The following TBXAS1 variants were observed in gnomAD, a reference collection of about 807,000 sequenced individuals.
TBXAS1 encodes the protein thromboxane A synthase 1.
TBXAS1 carries 48 observed loss-of-function variants against 60.7 expected under a neutral mutation model. The ratio of observed to expected loss-of-function variants is 0.79; its 90% CI spans 0.63 to 1.01. The LOEUF (loss-of-function observed/expected upper bound fraction) is 1.01. Among genes scored for constraint, TBXAS1 ranks in the 50% least tolerant of loss-of-function variants. TBXAS1 has a pLI of 0.00. For missense variants in TBXAS1, 685 were observed against 686.3 expected (o/e 1.00, Z 0.02); for synonymous variants, 287 against 269.7 (o/e 1.06, Z -0.63).
intron 3 of TBXAS1, among the ~76,000 whole-genome samples, chr7:139,889,245 G>T (rs925264157): frequency 1.3e-5 from 2 of 151,534 alleles, no homozygotes; most frequent in African/African-American, 4.9e-5. Flanking sequence ...GAGATAGGAG[G>T]ATCGCTTGAG....
rs962858753 is a variant in TBXAS1, at chr7:139,975,695, C to T, written c.1134+13462C>T. Reference sequence around the variant, plus strand: ...GTGACCTGTCATCCAGGCTCTGAGCCCTGAGGATAATAAGTTTCCCTCGAA... The same window carrying T: ...GTGACCTGTCATCCAGGCTCTGAGCTCTGAGGATAATAAGTTTCCCTCGAA... On this transcript the variant is annotated intron_variant, in intron 9 of 12. Coordinates refer to ENST00000448866, the MANE Select transcript of TBXAS1 (RefSeq NM_001061.7). The surrounding 1 kb of genome is among the most constrained non-coding windows in gnomAD (Gnocchi z 4.4). Among the ~76,000 whole-genome samples, 3 of 152,158 alleles carry T rather than the reference C, an allele frequency of 2.0e-5. No homozygotes were observed. Among genetic ancestry groups the T allele is most frequent in the Non-Finnish European group, 4.4e-5 (3 of 68,038 alleles).
At chr7:139,859,199 GTTT>G (rs1221686304) in intron 1 of TBXAS1, among the ~76,000 whole-genome samples, 4,152 of 114,538 alleles carry the variant, frequency 0.036, 153 homozygotes, top group African/African-American at 0.12. Context: ...TTTATCGTTA[GTTT>G]TTTTTTTTTT....
intron 1 of TBXAS1, among the ~76,000 whole-genome samples, chr7:139,860,531 G>A (rs991548212): frequency 6.6e-6 from 1 of 152,208 alleles, no homozygotes; most frequent in Non-Finnish European, 1.5e-5. Context: ...CATGAAAGGG[G>A]TTAAGTATTC....
At chr7:139,877,728 CTTTT>C (rs902893678) in intron 3 of TBXAS1, among the ~76,000 whole-genome samples, 1 of 97,680 alleles carries the variant, frequency 1.0e-5, no homozygotes, top group Non-Finnish European at 2.1e-5. Flanking sequence ...CAGTCTATTG[CTTTT>C]TTTTTTTTTT....
intron 4 of TBXAS1, among the ~76,000 whole-genome samples, chr7:139,926,167 G>C (rs1173410195): frequency 6.6e-6 from 1 of 152,118 alleles, no homozygotes; most frequent in East Asian, 1.9e-4. Flanking sequence ...GCCTCCTGGA[G>C]TGACTTTGGA....
chr7:139,884,499 T>A (rs1802929544), intron 3 of TBXAS1, among the ~76,000 whole-genome samples: 1 of 152,106 alleles, frequency 6.6e-6, no homozygotes, highest in South Asian at 2.1e-4. Flanking sequence ...AAACTGGAAA[T>A]AATCCCATTT....
Position 139,875,651 on chromosome 7 carries a change from T to G in TBXAS1, c.236+14T>G. 3 of 1,606,548 alleles carry G rather than the reference T, an allele frequency of 1.9e-6. No individual in the cohort carries two copies. Among genetic ancestry groups the G allele is most frequent in the Non-Finnish European group, 2.5e-6 (3 of 1,179,918 alleles). On this transcript the variant is annotated intron_variant, in intron 3 of 12. Coordinates refer to ENST00000448866, the MANE Select transcript of TBXAS1 (RefSeq NM_001061.7). ...ACCTCTGTGTGGGTAAGAAGGAAAC[T>G]CAACGTTTCTATTATGTACGATATT...
chr7:139,790,506 A>G (rs117442686), intron 4 of TBXAS1, among the ~76,000 whole-genome samples: 127 of 152,334 alleles, frequency 8.3e-4, no homozygotes, highest in Admixed American at 1.4e-3. Flanking sequence ...AACAAAACCT[A>G]TATCGTTTGA....
At chr7:140,015,349 G>C (rs1814941184) in intron 10 of TBXAS1, among the ~76,000 whole-genome samples, 1 of 152,086 alleles carries the variant, frequency 6.6e-6, no homozygotes, top group Non-Finnish European at 1.5e-5. Context: ...CTGTGGCCCA[G>C]GAATGACCCT....
intron 3 of TBXAS1, among the ~76,000 whole-genome samples, chr7:139,893,724 T>G (rs1181270057): frequency 2.0e-5 from 3 of 152,228 alleles, no homozygotes; most frequent in African/African-American, 7.2e-5. Flanking sequence ...TCTTAATTAC[T>G]CTTTTTTTAT....
chr7:139,971,423 A>G (rs199604079), intron 9 of TBXAS1, among the ~76,000 whole-genome samples: 1 of 101,886 alleles, frequency 9.8e-6, no homozygotes, highest in Non-Finnish European at 2.1e-5. Flanking sequence ...CAGGGTGACC[A>G]ATCGATCTGG....
chr7:139,804,115 C>A (rs1164643194), intron 4 of TBXAS1, among the ~76,000 whole-genome samples: 2 of 152,212 alleles, frequency 1.3e-5, no homozygotes, highest in Non-Finnish European at 2.9e-5. Flanking sequence ...GGGAAAGCAG[C>A]CAGAAGGGGG....
At chr7:139,865,630 G>GAAGAAGAAGA (rs1213426302) in intron 1 of TBXAS1, among the ~76,000 whole-genome samples, 4 of 106,868 alleles carry the variant, frequency 3.7e-5, no homozygotes, top group African/African-American at 1.4e-4. Context: ...AGAGGAGGAG[G>GAAGAAGAAGA]AGGAAGAGGA....
intron 5 of TBXAS1, among the ~76,000 whole-genome samples, chr7:139,952,943 A>G (rs1015452095): frequency 1.3e-5 from 2 of 152,246 alleles, no homozygotes; most frequent in African/African-American, 4.8e-5. Flanking sequence ...TGAAAGATCT[A>G]AAATACAATC....
At chr7:139,920,655 G>A (rs1305544958) in intron 4 of TBXAS1, among the ~76,000 whole-genome samples, 3 of 152,200 alleles carry the variant, frequency 2.0e-5, no homozygotes, top group Non-Finnish European at 4.4e-5. Flanking sequence ...GGCAACCCCA[G>A]TTACCAGCTT....
In TBXAS1 at chr7:139,805,061, T is replaced by C. The variant is rs778564230; in HGVS notation, c.-80+17635T>C. Reference sequence around the variant, plus strand: ...TCTTGAATTGGAGGATGGAATGAGATAAGTTCAGTGATCCATCAGGCAGAT... The same window carrying C: ...TCTTGAATTGGAGGATGGAATGAGACAAGTTCAGTGATCCATCAGGCAGAT... On this transcript the variant is annotated intron_variant, in intron 4 of 16. Coordinates refer to the TBXAS1 transcript ENST00000336425. Among the ~76,000 whole-genome samples, 6 of 152,372 alleles carry C rather than the reference T, an allele frequency of 3.9e-5. No individual in the cohort carries two copies. The South Asian group carries it at 6.2e-4, about 16-fold the overall frequency.
chr7:139,867,826 T>TAATTAATAAATA (rs1801533897), intron 1 of TBXAS1, among the ~76,000 whole-genome samples: 1 of 146,854 alleles, frequency 6.8e-6, no homozygotes, highest in African/African-American at 2.5e-5. Flanking sequence ...CGAAAATAAA[T>TAATTAATAAATA]AATAAATAAA....
At chr7:139,998,442 G>A (rs1455774446) in intron 9 of TBXAS1, among the ~76,000 whole-genome samples, 1 of 152,166 alleles carries the variant, frequency 6.6e-6, no homozygotes, top group Non-Finnish European at 1.5e-5. Flanking sequence ...GTAGGCCCAG[G>A]TAATGGAAAA....
intron 9 of TBXAS1, among the ~76,000 whole-genome samples, chr7:140,002,745 G>C (rs1039163036): frequency 6.6e-6 from 1 of 152,156 alleles, no homozygotes; most frequent in African/African-American, 2.4e-5. Flanking sequence ...GGGCTAAAAA[G>C]GGAGAGCTGG....
Sources: allele counts gnomAD v4.1 joint callset (sites outside exome capture counted in the v4.1 genomes callset), GRCh38; gene constraint gnomAD v4.1.1; non-coding constraint Gnocchi (gnomAD v3.1); transcripts MANE v1.5; gene names NCBI Gene and HGNC (gene_info 2026-07-23, HGNC 2026-07-21).